FGF10: variants seen among roughly 807,000 people sequenced by gnomAD.
FGF10 encodes fibroblast growth factor 10, also known as FGF-10.
FGF10 carries 2 observed loss-of-function variants against 19.8 expected under a neutral mutation model. That is an observed-to-expected ratio of 0.10 (90% CI 0.04 to 0.32). The LOEUF is 0.32. Among genes scored for constraint, FGF10 ranks in the 10% least tolerant of loss-of-function variants. FGF10 has a pLI of 1.00. For missense variants in FGF10, 191 were observed against 246.3 expected, an observed-to-expected ratio of 0.78 and a Z score of 1.50; for synonymous variants, 112 against 94.0, an observed-to-expected ratio of 1.19 and a Z score of -1.10.
chr5:44,354,541 T>C (rs999317640), intron 1 of FGF10, among the ~76,000 whole-genome samples: 2 of 151,448 alleles, frequency 1.3e-5, no homozygotes, highest in Non-Finnish European at 3.0e-5. Context: ...ATTTTGTTCA[T>C]TGTTACAGCA....
intron 1 of FGF10, among the ~76,000 whole-genome samples, chr5:44,346,905 T>G (rs1391648663): frequency 2.0e-5 from 3 of 151,832 alleles, no homozygotes; most frequent in Admixed American, 2.0e-4. Context: ...ACTACTGAAT[T>G]GAATAATGCA....
At chr5:44,338,935 G>A (rs1031295549) in intron 1 of FGF10, among the ~76,000 whole-genome samples, 1 of 152,112 alleles carries the variant, frequency 6.6e-6, no homozygotes, top group African/African-American at 2.4e-5. Context: ...TGAATTTAAG[G>A]CATGTTAGGA....
chr5:44,376,508 A>AAAAC (rs1162685926), intron 1 of FGF10, among the ~76,000 whole-genome samples: 3 of 143,582 alleles, frequency 2.1e-5, no homozygotes, highest in South Asian at 2.2e-4. Flanking sequence ...AAAAAAAAAA[A>AAAAC]AAAAAAAAAC....
At chr5:44,338,338 G>GT (rs1224986111) in intron 1 of FGF10, among the ~76,000 whole-genome samples, 2 of 152,052 alleles carry the variant, frequency 1.3e-5, no homozygotes, top group Admixed American at 6.6e-5. Flanking sequence ...TTTAGTACTT[G>GT]TTTTTCAGAG....
chr5:44,333,038 C>T (rs988670250), intron 1 of FGF10, among the ~76,000 whole-genome samples: 5 of 152,014 alleles, frequency 3.3e-5, no homozygotes, highest in African/African-American at 1.2e-4. Context: ...TGCATTAGGA[C>T]TTACATTGTG....
At chr5:44,340,503 G>A (rs1221956684) in intron 1 of FGF10, among the ~76,000 whole-genome samples, 1 of 152,066 alleles carries the variant, frequency 6.6e-6, no homozygotes, top group African/African-American at 2.4e-5. Flanking sequence ...GAAAAGAAGT[G>A]TTTAATAATA....
intron 1 of FGF10, among the ~76,000 whole-genome samples, chr5:44,322,511 C>A (rs530869293): frequency 6.6e-6 from 1 of 152,230 alleles, no homozygotes; most frequent in African/African-American, 2.4e-5. Context: ...ATCCATGACC[C>A]ATTTATGAAT....
chr5:44,331,799 T>C (rs1740741404), intron 1 of FGF10, among the ~76,000 whole-genome samples: 1 of 151,928 alleles, frequency 6.6e-6, no homozygotes, highest in Non-Finnish European at 1.5e-5. Flanking sequence ...TAACCAAAGA[T>C]CATCGAGAGC....
chr5:44,368,454 G>GAAA (rs1161042664), intron 1 of FGF10, among the ~76,000 whole-genome samples: 12 of 151,984 alleles, frequency 7.9e-5, no homozygotes, highest in Non-Finnish European at 1.6e-4. Flanking sequence ...TTGGGACTGT[G>GAAA]AAAAACCCAA....
chr5:44,348,669 G>A (rs528579227), intron 1 of FGF10, among the ~76,000 whole-genome samples: 8 of 145,126 alleles, frequency 5.5e-5, no homozygotes, highest in Admixed American at 1.3e-4. Context: ...GATATATAAC[G>A]AATGGCTTTT....
intron 1 of FGF10, among the ~76,000 whole-genome samples, chr5:44,332,129 G>GTC (rs1203742317): frequency 2.6e-5 from 4 of 151,596 alleles, no homozygotes; most frequent in African/African-American, 4.8e-5. Flanking sequence ...TCGTGTTAAA[G>GTC]TCTCTCTCTC....
At chr5:44,331,019 C>T (rs982409126) in intron 1 of FGF10, among the ~76,000 whole-genome samples, 1 of 151,926 alleles carries the variant, frequency 6.6e-6, no homozygotes, top group African/African-American at 2.4e-5. Context: ...AGTAATGATT[C>T]CTGGTAAAAT....
chr5:44,388,826 G>A lies in FGF10; in HGVS notation c.-144C>T, dbSNP rs768031394. The A allele has an allele frequency of 3.8e-6, 3 of 794,350 alleles. No individual in the cohort carries two copies. The highest frequency in any genetic ancestry group is 4.0e-5 in the Admixed American group (2 of 49,850). 49.2% of individuals were successfully genotyped at this position (794,350 alleles called of 1,614,324 possible). ...GGCGCGGATCTGGCCAGAAGTGAAT[G>A]CACCAACATCCATAACTCCTCGGAA... On this transcript the variant is annotated 5_prime_UTR_variant, in exon 1 of 3. Transcript: ENST00000264664.
At chr5:44,316,745 G>A (rs903555614) in intron 1 of FGF10, among the ~76,000 whole-genome samples, 2 of 152,274 alleles carry the variant, frequency 1.3e-5, no homozygotes, top group Admixed American at 6.5e-5. Flanking sequence ...GAACAGGTAT[G>A]GGATTTTTAA....
At chr5:44,361,904 C>A (rs533275959) in intron 1 of FGF10, among the ~76,000 whole-genome samples, 3 of 151,566 alleles carry the variant, frequency 2.0e-5, no homozygotes, top group African/African-American at 4.8e-5. Context: ...CATATGGACA[C>A]AAAGTCACCT....
chr5:44,327,894 C>T (rs751704977), intron 1 of FGF10, among the ~76,000 whole-genome samples: 3 of 152,180 alleles, frequency 2.0e-5, no homozygotes, highest in Non-Finnish European at 2.9e-5. Flanking sequence ...CTAACAATTG[C>T]ATTTGTGGTA....
intron 1 of FGF10, among the ~76,000 whole-genome samples, chr5:44,311,738 A>G (rs1740214940): frequency 1.3e-5 from 2 of 152,134 alleles, no homozygotes; most frequent in South Asian, 4.1e-4. Context: ...CCTGAACAAT[A>G]CATACAAATT....
In FGF10 at chr5:44,301,399, C is replaced by T. The variant is rs1358229589; in HGVS notation, c.*3596G>A. ...TTATTAGAACTGTGCAGCATTAATGCTGATCTATGTAAATTGGGTTCATAA... is the reference window on the plus strand; with the variant it reads ...TTATTAGAACTGTGCAGCATTAATGTTGATCTATGTAAATTGGGTTCATAA... On this transcript the variant is annotated 3_prime_UTR_variant, in exon 3 of 3. Transcript: ENST00000264664. 6.6e-6 allele frequency among the ~76,000 whole-genome samples: 1 copy of T among 152,102 alleles called. No individual in the cohort carries two copies. Among genetic ancestry groups the T allele is most frequent in the African/African-American group, 2.4e-5 (1 of 41,430 alleles).
At chr5:44,353,488 A>G (rs1299262985) in intron 1 of FGF10, among the ~76,000 whole-genome samples, 1 of 151,434 alleles carries the variant, frequency 6.6e-6, no homozygotes, top group East Asian at 1.9e-4. Context: ...TCACTTCATT[A>G]GTTTTGTTTT....
Sources: allele counts gnomAD v4.1 joint callset (sites outside exome capture counted in the v4.1 genomes callset), GRCh38; gene constraint gnomAD v4.1.1; transcripts MANE v1.5; gene names NCBI Gene and HGNC (gene_info 2026-07-23, HGNC 2026-07-21).